The following PTPRM variants were observed in gnomAD, a reference collection of about 807,000 sequenced individuals.
The protein encoded by PTPRM is receptor-type tyrosine-protein phosphatase mu.
PTPRM carries 47 observed loss-of-function variants against 186.7 expected under a neutral mutation model. That is an observed-to-expected ratio of 0.25 (90% CI 0.20 to 0.32). PTPRM has a LOEUF of 0.32. PTPRM is among the 10% of genes least tolerant of loss of function. PTPRM has a pLI of 1.00. For synonymous variants in PTPRM, 668 were observed against 674.9 expected, an observed-to-expected ratio of 0.99 and a Z score of 0.16; for missense variants, 1,494 against 1,865.0, an observed-to-expected ratio of 0.80 and a Z score of 3.66.
intron 2 of PTPRM, among the ~76,000 whole-genome samples, chr18:7,851,341 G>A (rs2046848801): frequency 6.6e-6 from 1 of 152,146 alleles, no homozygotes; most frequent in Admixed American, 6.5e-5. Flanking sequence ...TCAAGCCACA[G>A]ATGTAAAGAA....
At chr18:8,185,120 A>G (rs528372462) in intron 14 of PTPRM, among the ~76,000 whole-genome samples, 4 of 152,274 alleles carry the variant, frequency 2.6e-5, no homozygotes, top group South Asian at 4.1e-4. Context: ...GCAAAGATAG[A>G]ATTAAACCCA....
intron 11 of PTPRM, among the ~76,000 whole-genome samples, chr18:8,094,835 T>C (rs1296645408): frequency 6.6e-6 from 1 of 152,132 alleles, no homozygotes; most frequent in Non-Finnish European, 1.5e-5. Context: ...TCACATAAAT[T>C]ATGGGCCTAA....
intron 2 of PTPRM, among the ~76,000 whole-genome samples, chr18:7,788,175 A>G (rs953406456): frequency 6.6e-6 from 1 of 152,352 alleles, no homozygotes; most frequent in East Asian, 1.9e-4. Flanking sequence ...GCAAAAGACT[A>G]TCCCTGAGTG....
At chr18:7,676,463 G>C (rs2039338252) in intron 1 of PTPRM, among the ~76,000 whole-genome samples, 1 of 152,096 alleles carries the variant, frequency 6.6e-6, no homozygotes, top group African/African-American at 2.4e-5. Context: ...AGCTGTAAAG[G>C]AGCAGCATGA....
At chr18:7,907,341 T>C (rs1363788501) in intron 4 of PTPRM, among the ~76,000 whole-genome samples, 2 of 152,174 alleles carry the variant, frequency 1.3e-5, no homozygotes, top group Admixed American at 1.3e-4. Context: ...AAAGGCATCC[T>C]GTTGATAGAG....
chr18:8,173,555 C>T (rs2093436078), intron 14 of PTPRM, among the ~76,000 whole-genome samples: 1 of 152,168 alleles, frequency 6.6e-6, no homozygotes, highest in Non-Finnish European at 1.5e-5. Context: ...TGTGGCATTG[C>T]AATAAAGAAA....
At chr18:8,139,621 G>A (rs890164711) in intron 13 of PTPRM, among the ~76,000 whole-genome samples, 6 of 152,034 alleles carry the variant, frequency 3.9e-5, no homozygotes, top group Admixed American at 2.6e-4. Flanking sequence ...GCAGTTCACC[G>A]CACTCCAGTC....
chr18:7,612,042 C>A (rs938851061), intron 1 of PTPRM, among the ~76,000 whole-genome samples: 13 of 152,106 alleles, frequency 8.5e-5, no homozygotes, highest in African/African-American at 3.1e-4. Flanking sequence ...CTGTCATTGA[C>A]ACATGACTGT....
At chr18:7,955,557 A>C in intron 7 of PTPRM, 143 bp downstream of exon 7, 1 of 938,446 alleles carries the variant, frequency 1.1e-6, no homozygotes, top group Non-Finnish European at 1.5e-6. Context: ...TAGCCTGTGA[A>C]TAGTCAGCTA....
intron 1 of PTPRM, among the ~76,000 whole-genome samples, chr18:7,761,727 A>G (rs1704389147): frequency 6.6e-6 from 1 of 152,020 alleles, no homozygotes. Context: ...CTTCTTTTTC[A>G]TCCTGTCCGT....
At chr18:8,005,055 A>G (rs1468550327) in intron 7 of PTPRM, among the ~76,000 whole-genome samples, 2 of 152,228 alleles carry the variant, frequency 1.3e-5, no homozygotes, top group Non-Finnish European at 2.9e-5. Flanking sequence ...TTCCAAAAGC[A>G]CATGTGCAGC....
rs576892759 is a variant in PTPRM at position 8,146,216 on chromosome 18, G to C, written c.2300+2437G>C. ...TTTTTGTATTTTTAGTAGAGACAGG[G>C]TTTCTCCATGTTGGTCAAGCTGGTC... On this transcript the variant is annotated intron_variant, in intron 14 of 32. Transcript: ENST00000580170. Among the ~76,000 whole-genome samples, 3 of 152,032 alleles carry C rather than the reference G, an allele frequency of 2.0e-5. No individual in the cohort carries two copies. In the East Asian group the frequency reaches 5.8e-4, roughly 29 times the overall value.
At chr18:7,941,148 T>A (rs1274287079) in intron 5 of PTPRM, among the ~76,000 whole-genome samples, 2 of 152,154 alleles carry the variant, frequency 1.3e-5, no homozygotes, top group African/African-American at 4.8e-5. Context: ...GCCAGCTGCG[T>A]TAATGACTAG....
At chr18:7,901,524 G>A (rs2049684569) in intron 3 of PTPRM, among the ~76,000 whole-genome samples, 1 of 152,146 alleles carries the variant, frequency 6.6e-6, no homozygotes, top group South Asian at 2.1e-4. Context: ...CCGCCAACAC[G>A]CCCGGCTAAT....
At chr18:8,218,125 A>G (rs7238296) in intron 14 of PTPRM, among the ~76,000 whole-genome samples, 84,091 of 152,056 alleles carry the variant, frequency 0.55, 23,860 homozygotes, top group East Asian at 0.77. Context: ...ACAGCTACAC[A>G]TGTCCTTTAT....
chr18:8,227,669 G>C (rs1227036402), intron 14 of PTPRM, among the ~76,000 whole-genome samples: 2 of 152,174 alleles, frequency 1.3e-5, no homozygotes, highest in Non-Finnish European at 2.9e-5. Context: ...GGAAAGTGGA[G>C]GTAGTGTTCC....
intron 23 of PTPRM, among the ~76,000 whole-genome samples, chr18:8,360,338 G>A (rs554607251): frequency 2.0e-5 from 3 of 152,272 alleles, no homozygotes; most frequent in Admixed American, 2.0e-4. Context: ...TGTAGGACCA[G>A]GTTTCTAGCA....
intron 7 of PTPRM, among the ~76,000 whole-genome samples, chr18:8,064,789 A>T (rs1222741500): frequency 2.0e-5 from 3 of 152,224 alleles, no homozygotes; most frequent in Non-Finnish European, 1.5e-5. Context: ...TGTACCCAGA[A>T]TCGTTGCTGC....
In PTPRM at chr18:7,637,573, A is replaced by G. The variant is rs201083677; in HGVS notation, c.73+69682A>G. Among the ~76,000 whole-genome samples, 35 of 152,242 alleles carry G rather than the reference A, an allele frequency of 2.3e-4. No individual in the cohort carries two copies. The East Asian group carries it at 6.2e-3, about 27-fold the overall frequency. On this transcript the variant is annotated intron_variant, in intron 1 of 32. Coordinates refer to ENST00000580170, the MANE Select transcript of PTPRM (RefSeq NM_001105244.2). ...GCCAGGCAGTGTCTAGTGTCTTTCA[A>G]TTGTGTTTGCATTCCTCATGGTATG...
Sources: gnomAD v4.1 joint callset for allele counts (sites outside exome capture counted in the v4.1 genomes callset) on GRCh38, gnomAD v4.1.1 for gene constraint, MANE v1.5 for transcripts, NCBI Gene and HGNC (gene_info 2026-07-23, HGNC 2026-07-21) for gene names.